The following TNR variants were observed in gnomAD, a reference collection of about 807,000 sequenced individuals.
The protein encoded by TNR is tenascin R.
Under a neutral mutation model 150.4 loss-of-function variants are expected in TNR, and 45 were observed. That is an observed-to-expected ratio of 0.30 (90% confidence interval 0.24 to 0.38). TNR has a LOEUF of 0.38. TNR is among the 10% of genes least tolerant of loss of function. The probability of loss-of-function intolerance (pLI) is 1.00; values close to 1 mark genes in which losing one functional copy is unlikely to be tolerated. For missense variants in TNR, 1,544 were observed against 1,759.1 expected (o/e 0.88, Z 2.19); for synonymous variants, 687 against 678.4 (o/e 1.01, Z -0.20).
intron 1 of TNR, among the ~76,000 whole-genome samples, chr1:175,688,484 A>C (rs1463578158): frequency 6.6e-6 from 1 of 152,228 alleles, no homozygotes; most frequent in East Asian, 1.9e-4. Flanking sequence ...GAATGAACAA[A>C]TGAGGAAGAG....
At chr1:175,454,723 C>T (rs370059065) in intron 2 of TNR, among the ~76,000 whole-genome samples, 18 of 152,178 alleles carry the variant, frequency 1.2e-4, no homozygotes, top group Non-Finnish European at 2.4e-4. Context: ...CCACCCGCCT[C>T]GGCCTCCCAG....
At chr1:175,708,177 G>T (rs1037510667) in intron 1 of TNR, among the ~76,000 whole-genome samples, 1 of 152,134 alleles carries the variant, frequency 6.6e-6, no homozygotes, top group Non-Finnish European at 1.5e-5. Context: ...CCCAATTTAG[G>T]CAGAGCCATA....
At position 175,367,197 on chromosome 1, in the gene TNR, C is replaced by T. The variant is rs1164489169; in HGVS notation, c.2053+11G>A. 3 of 1,613,772 alleles carry T rather than the reference C, an allele frequency of 1.9e-6. No individual in the cohort carries two copies. The Admixed American group carries it at 5.0e-5, about 27-fold the overall frequency. ...AACCTGGTCTTCTTCCTCAGCAGTC[C>T]TCCTACTCACCAGTCCTGGCATTCA... is the stretch of plus-strand genomic sequence containing the variant. On this transcript the variant is annotated intron_variant, in intron 10 of 22. Coordinates refer to ENST00000367674, the MANE Select transcript of TNR (RefSeq NM_003285.3).
rs1648910007 is a variant in TNR, at chr1:175,318,698, G to A, written c.*4659C>T. ...AGAGAGGCTACAGGAACAACCCCAGGGGCCAGCCTGTAACTCAGCTTTCTT... is the reference window on the plus strand; with the variant it reads ...AGAGAGGCTACAGGAACAACCCCAGAGGCCAGCCTGTAACTCAGCTTTCTT... On this transcript the variant is annotated 3_prime_UTR_variant, in exon 23 of 23. Transcript: ENST00000367674. 6.6e-6 allele frequency: 1 copy of A among 152,138 alleles called. No individual in the cohort carries two copies. Among genetic ancestry groups the A allele is most frequent in the Admixed American group, 6.5e-5 (1 of 15,270 alleles). The allele number at this position is 152,138 out of a possible 1,614,324, so 9.4% of individuals were successfully genotyped here. A position where few individuals can be genotyped will look rare whatever the true frequency, so the allele number is the denominator to read the frequency against.
chr1:175,323,235 G>C lies in TNR; in HGVS notation c.*122C>G. The C allele has an allele frequency of 1.5e-6, 2 of 1,306,222 alleles. No individual in the cohort carries two copies. The highest frequency in any genetic ancestry group is 2.4e-5 in the Admixed American group (1 of 41,978). The allele number at this position is 1,306,222 out of a possible 1,614,324, so 80.9% of individuals were successfully genotyped here. A position where few individuals can be genotyped will look rare whatever the true frequency, so the allele number is the denominator to read the frequency against. On this transcript the variant is annotated 3_prime_UTR_variant, in exon 23 of 23. Transcript: ENST00000367674. ...GCCAGCGGATTCCTGCGACATCCCTGCTTCCTTCACATACTCTTAATATGT... is the reference window on the plus strand; with the variant it reads ...GCCAGCGGATTCCTGCGACATCCCTCCTTCCTTCACATACTCTTAATATGT...
intron 1 of TNR, among the ~76,000 whole-genome samples, chr1:175,688,037 T>A (rs962242014): frequency 6.6e-6 from 1 of 152,218 alleles, no homozygotes; most frequent in African/African-American, 2.4e-5. Flanking sequence ...AGCGCTGTAC[T>A]CCCCTTCTCC....
At chr1:175,568,191 T>C (rs1415315745) in intron 1 of TNR, among the ~76,000 whole-genome samples, 2 of 152,248 alleles carry the variant, frequency 1.3e-5, no homozygotes, top group African/African-American at 2.4e-5. Context: ...AAGGACTGCT[T>C]TTCAGGTTTC....
At chr1:175,370,158 G>C (rs1050718038) in intron 9 of TNR, among the ~76,000 whole-genome samples, 1 of 151,948 alleles carries the variant, frequency 6.6e-6, no homozygotes, top group Non-Finnish European at 1.5e-5. Flanking sequence ...GTGTAATTTT[G>C]ATTACTTAAC....
chr1:175,400,994 C>T (rs1653681036), intron 4 of TNR, among the ~76,000 whole-genome samples: 2 of 152,196 alleles, frequency 1.3e-5, no homozygotes, highest in African/African-American at 4.8e-5. Context: ...GGAGATTATG[C>T]AACTGTCCTT....
At position 175,366,107 on chromosome 1, in the gene TNR, T is replaced by G; in HGVS notation, c.2085A>C (p.Thr695=). The stretch of plus-strand genomic sequence containing the variant: ...GGGAGATGGAGGTCTCCGAGGAGGC[T>G]GTCACCATGAGGTCTCGGGGACTGT... ...ELDSPRDLMV[T]ASSETSISLI... The change falls in exon 11 of 23, where the codon ACA becomes ACC. Residue 695 remains threonine, a synonymous_variant. Coordinates refer to ENST00000367674, the MANE Select transcript of TNR (RefSeq NM_003285.3). 5 of 1,611,982 alleles carry G rather than the reference T, an allele frequency of 3.1e-6. No homozygotes were observed. Among genetic ancestry groups the G allele is most frequent in the Non-Finnish European group, 4.2e-6 (5 of 1,178,590 alleles).
intron 8 of TNR, among the ~76,000 whole-genome samples, chr1:175,380,695 G>C (rs1041723216): frequency 2.0e-5 from 3 of 152,216 alleles, no homozygotes; most frequent in African/African-American, 4.8e-5. Context: ...AGACGACGGG[G>C]ACACTGCTTT....
chr1:175,634,838 T>C (rs1312242543), intron 1 of TNR, among the ~76,000 whole-genome samples: 1 of 152,226 alleles, frequency 6.6e-6, no homozygotes, highest in Non-Finnish European at 1.5e-5. Flanking sequence ...TAGCACATTA[T>C]AATTTATACA....
At chr1:175,464,102 G>A (rs1159356262) in intron 2 of TNR, among the ~76,000 whole-genome samples, 1 of 152,160 alleles carries the variant, frequency 6.6e-6, no homozygotes, top group Non-Finnish European at 1.5e-5. Flanking sequence ...TTTCCTCACA[G>A]GATCTAAGCC....
intron 2 of TNR, among the ~76,000 whole-genome samples, chr1:175,454,726 C>T (rs1300746200): frequency 6.6e-6 from 1 of 152,212 alleles, no homozygotes; most frequent in Non-Finnish European, 1.5e-5. Flanking sequence ...CCCGCCTCGG[C>T]CTCCCAGAGT....
chr1:175,384,737 G>A (rs1652846110), intron 8 of TNR, among the ~76,000 whole-genome samples: 1 of 152,182 alleles, frequency 6.6e-6, no homozygotes. Flanking sequence ...TATGCTCTAA[G>A]TCCTAACCTG....
chr1:175,657,758 T>G (rs547392907), intron 1 of TNR, among the ~76,000 whole-genome samples: 1 of 82,380 alleles, frequency 1.2e-5, no homozygotes, highest in Non-Finnish European at 2.3e-5. Context: ...CATCACACAC[T>G]GGGGCCTGTT....
chr1:175,679,721 C>T (rs1448959151), intron 1 of TNR, among the ~76,000 whole-genome samples: 1 of 152,102 alleles, frequency 6.6e-6, no homozygotes, highest in African/African-American at 2.4e-5. Context: ...CAGGGGAGAC[C>T]AAGAGCCTGC....
Position 175,620,511 on chromosome 1 carries a change from C to T in TNR, c.-164-92142G>A, listed in dbSNP as rs201415585. ...ACTAGTCCAAGTTCTGGAGGCTTTC[C>T]ATCCCTTCGCCCACCTCCAGCAGAG... On this transcript the variant is annotated intron_variant, in intron 1 of 22. Transcript: ENST00000367674. 7.2e-5 allele frequency among the ~76,000 whole-genome samples: 11 copies of T among 152,308 alleles called. No individual in the cohort carries two copies. In the East Asian group the frequency reaches 1.5e-3, roughly 21 times the overall value.
chr1:175,598,868 C>G (rs986413014), intron 1 of TNR, among the ~76,000 whole-genome samples: 1 of 152,188 alleles, frequency 6.6e-6, no homozygotes, highest in Non-Finnish European at 1.5e-5. Context: ...TCTCAAGTTC[C>G]CCAAGTCTTC....
Sources: allele counts gnomAD v4.1 joint callset (sites outside exome capture counted in the v4.1 genomes callset), GRCh38; gene constraint gnomAD v4.1.1; transcripts MANE v1.5; gene names NCBI Gene and HGNC (gene_info 2026-07-23, HGNC 2026-07-21).